The following XKR9 variants were observed in gnomAD, a reference collection of about 807,000 sequenced individuals.
XKR9 encodes the protein XK related 9, also known as XK-related protein 9.
Under a neutral mutation model 32.0 loss-of-function variants are expected in XKR9, and 32 were observed. The ratio of observed to expected loss-of-function variants is 1.00; its 90% CI spans 0.76 to 1.34. The LOEUF (loss-of-function observed/expected upper bound fraction) is 1.34. XKR9 is among the 40% of genes most tolerant of loss of function. The pLI is 0.00. For missense variants in XKR9, 546 were observed against 429.7 expected, an observed-to-expected ratio of 1.27 and a Z score of -2.39; for synonymous variants, 168 against 143.4, an observed-to-expected ratio of 1.17 and a Z score of -1.22.
chr8:70,956,976 G>C, the XKR9 span, among the ~76,000 whole-genome samples: 11 of 149,186 alleles, frequency 7.4e-5, no homozygotes, highest in African/African-American at 2.3e-4. Flanking sequence ...AACTCGATAG[G>C]GGGGCAGGAC....
chr8:70,991,336 G>C, the XKR9 span, among the ~76,000 whole-genome samples: 1 of 152,076 alleles, frequency 6.6e-6, no homozygotes, highest in Non-Finnish European at 1.5e-5. Context: ...CCATCGATTT[G>C]TATATTTTTA....
At chr8:70,937,839 T>C in the XKR9 span, among the ~76,000 whole-genome samples, 7 of 152,204 alleles carry the variant, frequency 4.6e-5, no homozygotes, top group South Asian at 8.3e-4. Context: ...ATTAAAGGCC[T>C]TTCCAGTGGG....
At chr8:70,899,488 TG>T in the XKR9 span, among the ~76,000 whole-genome samples, 8 of 151,574 alleles carry the variant, frequency 5.3e-5, no homozygotes, top group African/African-American at 1.9e-4. Flanking sequence ...CAATTTTGCA[TG>T]GGGAGTCACT....
At chr8:71,015,331 C>A in the XKR9 span, among the ~76,000 whole-genome samples, 2 of 152,136 alleles carry the variant, frequency 1.3e-5, no homozygotes, top group African/African-American at 4.8e-5. Flanking sequence ...GAACTTATAT[C>A]AGTTTCCCTT....
the XKR9 span, among the ~76,000 whole-genome samples, chr8:70,895,255 G>C: frequency 6.6e-6 from 1 of 152,134 alleles, no homozygotes. Context: ...TCTGTTCTCT[G>C]TGTGTCTATC....
intron 4 of XKR9, among the ~76,000 whole-genome samples, chr8:70,728,149 G>A (rs569167130): frequency 6.6e-6 from 1 of 152,290 alleles, no homozygotes; most frequent in Admixed American, 6.5e-5. Flanking sequence ...GAATGAACAA[G>A]GAGAGCTTGG....
At chr8:70,827,762 G>A in the XKR9 span, among the ~76,000 whole-genome samples, 1 of 151,482 alleles carries the variant, frequency 6.6e-6, no homozygotes, top group Non-Finnish European at 1.5e-5. Context: ...TATTTATTGG[G>A]GAAAAAAAGT....
At chr8:70,746,659 G>C (rs913099748) in intron 2 of XKR9, among the ~76,000 whole-genome samples, 3 of 151,792 alleles carry the variant, frequency 2.0e-5, no homozygotes, top group Non-Finnish European at 4.4e-5. Context: ...CTTTGCTGCT[G>C]TTGCTGCACT....
chr8:70,862,933 G>A, the XKR9 span, among the ~76,000 whole-genome samples: 3 of 152,122 alleles, frequency 2.0e-5, no homozygotes, highest in African/African-American at 7.2e-5. Flanking sequence ...TGGAGGACAC[G>A]CAGGAGATAA....
the XKR9 span, among the ~76,000 whole-genome samples, chr8:70,964,751 G>A: frequency 6.6e-6 from 1 of 151,990 alleles, no homozygotes; most frequent in Non-Finnish European, 1.5e-5. Context: ...CTCTCTGCTT[G>A]CCTGTTTTTG....
chr8:70,795,754 A>G, the XKR9 span, among the ~76,000 whole-genome samples: 1 of 151,396 alleles, frequency 6.6e-6, no homozygotes, highest in Admixed American at 6.6e-5. Flanking sequence ...TTTTTTTTTC[A>G]TACGGTTTTT....
intron 4 of XKR9, among the ~76,000 whole-genome samples, chr8:70,732,422 T>G (rs930569420): frequency 2.0e-5 from 3 of 152,184 alleles, no homozygotes; most frequent in African/African-American, 7.2e-5. Context: ...AGTAGCAGAG[T>G]CAACCCCCAG....
At chr8:70,698,827 T>A (rs953302367) in intron 3 of XKR9, among the ~76,000 whole-genome samples, 8 of 152,134 alleles carry the variant, frequency 5.3e-5, no homozygotes, top group Non-Finnish European at 1.2e-4. Flanking sequence ...TCTAAGTCTC[T>A]TTGTAGGTCA....
chr8:70,842,410 T>C, the XKR9 span, among the ~76,000 whole-genome samples: 1 of 152,224 alleles, frequency 6.6e-6, no homozygotes, highest in Non-Finnish European at 1.5e-5. Flanking sequence ...TTCCTTTGAA[T>C]GTAGACTGGA....
At chr8:70,882,535 T>TTTTCTTTAAAAA in the XKR9 span, among the ~76,000 whole-genome samples, 1 of 151,936 alleles carries the variant, frequency 6.6e-6, no homozygotes, top group Non-Finnish European at 1.5e-5. Context: ...ACTCTTTTGG[T>TTTTCTTTAAAAA]ATAGTATGAG....
chr8:70,693,296 C>T (rs1196144391), intron 3 of XKR9, among the ~76,000 whole-genome samples: 1 of 152,088 alleles, frequency 6.6e-6, no homozygotes, highest in East Asian at 1.9e-4. Context: ...TCTCTGGTTT[C>T]AGTGGGGGTA....
the XKR9 span, among the ~76,000 whole-genome samples, chr8:70,947,364 AG>A: frequency 7.9e-5 from 12 of 152,334 alleles, no homozygotes; most frequent in African/African-American, 2.9e-4. Flanking sequence ...CCATGTGACA[AG>A]GAGAATAGAG....
intron 3 of XKR9, among the ~76,000 whole-genome samples, chr8:70,696,124 T>C (rs1427824872): frequency 6.6e-6 from 1 of 151,724 alleles, no homozygotes; most frequent in African/African-American, 2.4e-5. Flanking sequence ...TTCTCCCATT[T>C]TGTAGGTTGC....
At chr8:70,943,403 G>A in the XKR9 span, among the ~76,000 whole-genome samples, 1 of 152,080 alleles carries the variant, frequency 6.6e-6, no homozygotes, top group Non-Finnish European at 1.5e-5. Context: ...AATAAAGTAG[G>A]AGCATATGGA....
Sources: gnomAD v4.1 joint callset for allele counts (sites outside exome capture counted in the v4.1 genomes callset) on GRCh38, gnomAD v4.1.1 for gene constraint, MANE v1.5 for transcripts, NCBI Gene and HGNC (gene_info 2026-07-23, HGNC 2026-07-21) for gene names.